The following MSH3 variants were observed in gnomAD, a reference collection of about 807,000 sequenced individuals.
MSH3 encodes mutS homolog 3, also known as DNA mismatch repair protein Msh3.
MSH3 carries 106 observed loss-of-function variants against 123.3 expected under a neutral mutation model. That is an observed-to-expected ratio of 0.86 (90% CI 0.73 to 1.01). The LOEUF is 1.01. Among genes scored for constraint, MSH3 ranks in the 50% least tolerant of loss-of-function variants. MSH3 has a pLI of 0.00. For synonymous variants in MSH3, 515 were observed against 481.4 expected (o/e 1.07, Z -0.91); for missense variants, 1,459 against 1,347.6 (o/e 1.08, Z -1.29).
intron 19 of MSH3, among the ~76,000 whole-genome samples, chr5:80,813,010 C>G (rs1232254702): frequency 6.6e-6 from 1 of 152,184 alleles, no homozygotes; most frequent in Non-Finnish European, 1.5e-5. Context: ...TATAATTGAT[C>G]AGTACAGATA....
At chr5:80,682,083 A>T (rs888469523) in intron 8 of MSH3, among the ~76,000 whole-genome samples, 7 of 152,124 alleles carry the variant, frequency 4.6e-5, no homozygotes, top group African/African-American at 1.7e-4. Flanking sequence ...TATTGGACTA[A>T]GCGAAGTCAA....
intron 20 of MSH3, among the ~76,000 whole-genome samples, chr5:80,849,579 G>A (rs1423085046): frequency 6.6e-6 from 1 of 152,136 alleles, no homozygotes; most frequent in Non-Finnish European, 1.5e-5. Flanking sequence ...CCACATGGAA[G>A]CTGCCAAGGC....
At chr5:80,861,237 C>G (rs984320110) in intron 21 of MSH3, among the ~76,000 whole-genome samples, 2 of 152,150 alleles carry the variant, frequency 1.3e-5, no homozygotes, top group African/African-American at 4.8e-5. Context: ...TTCTTGACAG[C>G]TGGCTATGAT....
chr5:80,794,270 G>A (rs536184403), intron 19 of MSH3, among the ~76,000 whole-genome samples: 7 of 152,316 alleles, frequency 4.6e-5, no homozygotes, highest in African/African-American at 1.7e-4. Context: ...AATCCTGGCA[G>A]CACTGAGTTT....
chr5:80,714,130 C>CTTTTT (rs34918629), intron 8 of MSH3, among the ~76,000 whole-genome samples: 27 of 85,826 alleles, frequency 3.1e-4, no homozygotes, highest in Non-Finnish European at 4.3e-4. Flanking sequence ...TTCAAATAGA[C>CTTTTT]TTTTTTTTTT....
intron 10 of MSH3, among the ~76,000 whole-genome samples, chr5:80,732,170 G>A (rs1055323164): frequency 6.6e-6 from 1 of 152,014 alleles, no homozygotes; most frequent in Non-Finnish European, 1.5e-5. Flanking sequence ...AGAATGTGAG[G>A]GATATTATTT....
At chr5:80,826,901 A>G (rs1327318495) in intron 20 of MSH3, among the ~76,000 whole-genome samples, 1 of 152,192 alleles carries the variant, frequency 6.6e-6, no homozygotes, top group East Asian at 1.9e-4. Context: ...TTTCCTGAAT[A>G]AGAAGCAGAT....
intron 20 of MSH3, among the ~76,000 whole-genome samples, chr5:80,838,085 C>T (rs559898971): frequency 9.2e-5 from 14 of 152,288 alleles, no homozygotes; most frequent in Non-Finnish European, 1.3e-4. Context: ...AAACATACAA[C>T]ATCATATAAT....
chr5:80,822,769 G>A (rs148076054), intron 20 of MSH3, among the ~76,000 whole-genome samples: 5 of 152,306 alleles, frequency 3.3e-5, no homozygotes, highest in African/African-American at 1.2e-4. Context: ...GATAATGGCA[G>A]TGCCTTTCCT....
intron 12 of MSH3, among the ~76,000 whole-genome samples, chr5:80,747,355 A>C (rs921294142): frequency 6.6e-6 from 1 of 152,172 alleles, no homozygotes; most frequent in Non-Finnish European, 1.5e-5. Context: ...GCGCCGAATC[A>C]TGTATCTCTG....
chr5:80,869,841 T>TACACACACACACACAC (rs35006113), intron 22 of MSH3, among the ~76,000 whole-genome samples: 5 of 132,524 alleles, frequency 3.8e-5, no homozygotes, highest in East Asian at 2.0e-4. Context: ...TACATATATA[T>TACACACACACACACAC]ACACACACAC....
chr5:80,780,157 A>G (rs1489993706), intron 17 of MSH3, among the ~76,000 whole-genome samples: 1 of 152,194 alleles, frequency 6.6e-6, no homozygotes, highest in Non-Finnish European at 1.5e-5. Context: ...ATGCTGGCCA[A>G]TGTTTAACAG....
intron 12 of MSH3, among the ~76,000 whole-genome samples, chr5:80,755,658 GATGGAAAAAGGAACTGGAA>G (rs1428898126): frequency 6.6e-6 from 1 of 152,144 alleles, no homozygotes; most frequent in Non-Finnish European, 1.5e-5. Flanking sequence ...TGAGGGAACA[GATGGAAAAAGGAACTGGAA>G]ATGGAAGTGA....
At chr5:80,760,607 A>G (rs1744015205) in intron 12 of MSH3, among the ~76,000 whole-genome samples, 1 of 152,104 alleles carries the variant, frequency 6.6e-6, no homozygotes, top group Middle Eastern at 3.2e-3. Context: ...TTGTTTAACT[A>G]TTATATTAGC....
intron 20 of MSH3, among the ~76,000 whole-genome samples, chr5:80,820,000 A>G (rs1477995557): frequency 3.9e-5 from 6 of 152,240 alleles, no homozygotes; most frequent in African/African-American, 9.6e-5. Flanking sequence ...CGGTAAGACC[A>G]TGCAATGCTA....
At chr5:80,794,482 C>A (rs1744664511) in intron 19 of MSH3, among the ~76,000 whole-genome samples, 1 of 152,106 alleles carries the variant, frequency 6.6e-6, no homozygotes, top group South Asian at 2.1e-4. Flanking sequence ...AGAATTTGGT[C>A]AAGGACATGG....
chr5:80,764,504 C>A (rs1051756164), intron 13 of MSH3, among the ~76,000 whole-genome samples: 2 of 151,446 alleles, frequency 1.3e-5, no homozygotes, highest in African/African-American at 4.9e-5. Context: ...GCACGTGCCA[C>A]CATGCCCAGC....
chr5:80,778,793 C>T lies in MSH3; in HGVS notation c.2392C>T (p.Gln798Ter), dbSNP rs2112007877. Residue 798 changes from glutamine (Q) to a stop codon, truncating the protein, a stop_gained, in exon 17 of 24, where the codon CAG (glutamine) becomes TAG (stop). Coordinates refer to ENST00000265081, the MANE Select transcript of MSH3 (RefSeq NM_002439.5). LOFTEE classifies it high-confidence loss of function. ...CAGACATCTGAATCAGCTCCGGGAG[C>T]AGCTAGTCCTTGACTGCAGTGCTGA... Reference protein sequence around the residue: ...NYRHLNQLREQLVLDCSAEWL... With the variant: ...NYRHLNQLRE The T allele has an allele frequency of 3.7e-6, 6 of 1,611,702 alleles. No homozygotes were observed. The highest frequency in any genetic ancestry group is 5.1e-6 in the Non-Finnish European group (6 of 1,177,842).
rs2112885194 is a variant in MSH3, at chr5:80,768,921, A to G, written c.2171A>G (p.Asp724Gly). ...AAGGATGAAATTCAAGGTGTTATTG[A>G]CGAGATCCGAATGCATTTGCAAGAA... ...KRKDEIQGVI[D>G]EIRMHLQEIR... Residue 724 changes from aspartate (D) to glycine (G), a missense_variant, in exon 15 of 24, where the codon GAC becomes GGC. By Grantham distance (94) the Asp-to-Gly change is moderately conservative. Transcript: ENST00000265081. 5 of 1,612,860 alleles carry G rather than the reference A, an allele frequency of 3.1e-6. No individual in the cohort carries two copies. Among genetic ancestry groups the G allele is most frequent in the Non-Finnish European group, 4.2e-6 (5 of 1,179,084 alleles).
Sources: gnomAD v4.1 joint callset for allele counts (sites outside exome capture counted in the v4.1 genomes callset) on GRCh38, gnomAD v4.1.1 for gene constraint, MANE v1.5 for transcripts, NCBI Gene and HGNC (gene_info 2026-07-23, HGNC 2026-07-21) for gene names.